CSMD3: variants seen among roughly 807,000 people sequenced by gnomAD.
CSMD3 encodes CUB and Sushi multiple domains 3.
A neutral mutation model predicts 435.2 loss-of-function variants in CSMD3; 177 were observed. The ratio of observed to expected loss-of-function variants is 0.41; its 90% CI spans 0.36 to 0.46. The LOEUF (loss-of-function observed/expected upper bound fraction) is 0.46. Ranked by LOEUF, CSMD3 falls within the 20% of genes least tolerant of loss-of-function variation. The pLI, the probability that CSMD3 is intolerant of heterozygous loss-of-function variation, is 0.34. For synonymous variants in CSMD3, 1,656 were observed against 1,520.5 expected, an observed-to-expected ratio of 1.09 and a Z score of -2.07; for missense variants, 4,265 against 4,504.6, an observed-to-expected ratio of 0.95 and a Z score of 1.52.
intron 3 of CSMD3, among the ~76,000 whole-genome samples, chr8:113,240,049 A>T (rs1563590222): frequency 1.3e-5 from 2 of 151,650 alleles, no homozygotes; most frequent in South Asian, 4.2e-4. Flanking sequence ...GTTCCCCTCT[A>T]TGTGTCCATG....
At chr8:112,258,132 G>C (rs1198541297) in intron 61 of CSMD3, among the ~76,000 whole-genome samples, 1 of 152,014 alleles carries the variant, frequency 6.6e-6, no homozygotes, top group Non-Finnish European at 1.5e-5. Context: ...AAATTAACTT[G>C]AGATACATTA....
At chr8:112,971,131 T>C (rs1564163117) in intron 7 of CSMD3, among the ~76,000 whole-genome samples, 1 of 152,214 alleles carries the variant, frequency 6.6e-6, no homozygotes, top group East Asian at 1.9e-4. Flanking sequence ...AATACTGCTA[T>C]GTAAGTGTTT....
At chr8:112,900,886 T>C (rs2082093877) in intron 10 of CSMD3, among the ~76,000 whole-genome samples, 1 of 151,180 alleles carries the variant, frequency 6.6e-6, no homozygotes, top group African/African-American at 2.4e-5. Context: ...GGTAGAGGCT[T>C]CTGGCTGAGT....
At chr8:113,300,488 C>T (rs1346947330) in intron 2 of CSMD3, among the ~76,000 whole-genome samples, 1 of 152,086 alleles carries the variant, frequency 6.6e-6, no homozygotes, top group Non-Finnish European at 1.5e-5. Flanking sequence ...ACATATCCAC[C>T]CTGAAGTACT....
intron 10 of CSMD3, among the ~76,000 whole-genome samples, chr8:112,875,188 G>A (rs575335783): frequency 6.6e-6 from 1 of 152,134 alleles, no homozygotes; most frequent in East Asian, 1.9e-4. Flanking sequence ...GCTTAGTTTG[G>A]CTGGATATGA....
intron 63 of CSMD3, among the ~76,000 whole-genome samples, chr8:112,253,399 C>T (rs1388446172): frequency 6.6e-6 from 1 of 151,886 alleles, no homozygotes; most frequent in African/African-American, 2.4e-5. Context: ...AATCAATGTT[C>T]ATACTGTGCC....
chr8:112,790,349 C>T (rs2078656186), intron 13 of CSMD3, among the ~76,000 whole-genome samples: 1 of 144,000 alleles, frequency 6.9e-6, no homozygotes, highest in South Asian at 2.2e-4. Context: ...TGGAAAATAG[C>T]AAATAAATGG....
In CSMD3 at chr8:113,248,782, C is replaced by T. The variant is rs567597847; in HGVS notation, c.514+29810G>A. On this transcript the variant is annotated intron_variant, in intron 3 of 70. Coordinates refer to ENST00000297405, the MANE Select transcript of CSMD3 (RefSeq NM_198123.2). ...ATATATGATATACATGTGGAGGAAA[C>T]AAATTGTTAAGCATAAGTATTTTAA... Among the ~76,000 whole-genome samples, 7 of 151,484 alleles carry T rather than the reference C, an allele frequency of 4.6e-5. No individual in the cohort carries two copies. The South Asian group carries it at 1.5e-3, about 32-fold the overall frequency.
Position 112,758,274 on chromosome 8 carries a change from A to T in CSMD3, c.1972+41888T>A, listed in dbSNP as rs561537074. Among the ~76,000 whole-genome samples, 28 of 151,410 alleles carry T rather than the reference A, an allele frequency of 1.8e-4. No individual in the cohort carries two copies. The Middle Eastern group carries it at 0.01, about 56-fold the overall frequency. ...GATGTTAAGGCAGAGAACTGCTTGA[A>T]CTGGGAGGTGGAGGCTGCAGTGAGC... On this transcript the variant is annotated intron_variant, in intron 13 of 70. Transcript: ENST00000297405.
intron 13 of CSMD3, among the ~76,000 whole-genome samples, chr8:112,784,408 T>C (rs994876119): frequency 1.3e-5 from 2 of 151,316 alleles, no homozygotes; most frequent in African/African-American, 4.8e-5. Flanking sequence ...CTAAAATTCG[T>C]AGAAACAATA....
chr8:113,257,252 T>A (rs2093389447), intron 3 of CSMD3, among the ~76,000 whole-genome samples: 1 of 151,724 alleles, frequency 6.6e-6, no homozygotes, highest in Non-Finnish European at 1.5e-5. Flanking sequence ...ACTAAAAAAA[T>A]TCAAAAAAAT....
intron 9 of CSMD3, among the ~76,000 whole-genome samples, chr8:112,924,011 T>C (rs891296718): frequency 2.8e-5 from 4 of 145,334 alleles, no homozygotes; most frequent in African/African-American, 7.7e-5. Context: ...CTAATGTGAT[T>C]GGAGCACAGA....
intron 5 of CSMD3, among the ~76,000 whole-genome samples, chr8:113,053,731 T>C (rs2088196981): frequency 6.6e-6 from 1 of 152,166 alleles, no homozygotes; most frequent in African/African-American, 2.4e-5. Flanking sequence ...ACTTTATACA[T>C]CAGTGTGTGT....
chr8:112,745,312 C>T (rs1479829552), intron 13 of CSMD3, among the ~76,000 whole-genome samples: 2 of 152,014 alleles, frequency 1.3e-5, no homozygotes, highest in African/African-American at 4.8e-5. Context: ...TTGAAGAATG[C>T]ACCCCATATC....
chr8:113,157,283 T>G (rs775574229), intron 4 of CSMD3, among the ~76,000 whole-genome samples: 2 of 152,138 alleles, frequency 1.3e-5, no homozygotes, highest in Non-Finnish European at 2.9e-5. Flanking sequence ...CAAGAAGAAC[T>G]GCTTTGACTA....
Position 112,892,683 on chromosome 8 carries a change from T to G in CSMD3, c.1633+28944A>C, listed in dbSNP as rs149896014. ...CTTCCTCAGATATGTGCATATTTTC[T>G]GTCTTCAATTCACAACACTACTTAA... On this transcript the variant is annotated intron_variant, in intron 10 of 70. Transcript: ENST00000297405. Among the ~76,000 whole-genome samples, 788 of 151,668 alleles carry G rather than the reference T, an allele frequency of 5.2e-3. 15 individuals are homozygous for G. The highest frequency in any genetic ancestry group is 0.018 in the African/African-American group (761 of 41,440).
intron 14 of CSMD3, among the ~76,000 whole-genome samples, chr8:112,688,446 T>C (rs1268277735): frequency 1.3e-5 from 2 of 152,142 alleles, no homozygotes; most frequent in Non-Finnish European, 2.9e-5. Flanking sequence ...CTTAGCTATA[T>C]GTCAATACAA....
chr8:112,983,181 T>C, intron 6 of CSMD3, among the ~76,000 whole-genome samples: 1 of 151,868 alleles, frequency 6.6e-6, no homozygotes, highest in East Asian at 1.9e-4. Context: ...TTTATACCAA[T>C]AATTATTGAA....
intron 1 of CSMD3, chr8:113,376,696 C>G (rs111388877): frequency 9.9e-5 from 159 of 1,612,846 alleles, no homozygotes; most frequent in African/African-American, 4.0e-4. Context: ...CCACAAGGAC[C>G]GAAAGGTTCG....
Sources: allele counts gnomAD v4.1 joint callset (sites outside exome capture counted in the v4.1 genomes callset), GRCh38; gene constraint gnomAD v4.1.1; transcripts MANE v1.5; gene names NCBI Gene and HGNC (gene_info 2026-07-23, HGNC 2026-07-21).